The following MMP16 variants were observed in gnomAD, a reference collection of about 807,000 sequenced individuals.
MMP16 encodes matrix metallopeptidase 16.
In MMP16, 12 loss-of-function variants were observed where a neutral mutation model predicts 67.8. That is an observed-to-expected ratio of 0.18 (90% CI 0.11 to 0.29). The LOEUF is 0.29. Among genes scored for constraint, MMP16 ranks in the 10% least tolerant of loss-of-function variants. The pLI, the probability that MMP16 is intolerant of heterozygous loss-of-function variation, is 1.00. For synonymous variants in MMP16, 249 were observed against 255.9 expected (o/e 0.97, Z 0.26); for missense variants, 475 against 765.7 (o/e 0.62, Z 4.48).
At chr8:88,291,349 C>A (rs763167473) in intron 1 of MMP16, among the ~76,000 whole-genome samples, 23 of 152,098 alleles carry the variant, frequency 1.5e-4, no homozygotes, top group Non-Finnish European at 2.8e-4. Context: ...AGAATATGTT[C>A]TATTACAAAT....
intron 1 of MMP16, among the ~76,000 whole-genome samples, chr8:88,201,826 G>A (rs964626030): frequency 6.6e-6 from 1 of 152,094 alleles, no homozygotes; most frequent in Non-Finnish European, 1.5e-5. Context: ...GGTATCATCA[G>A]CAAAGGCAGT....
intron 6 of MMP16, among the ~76,000 whole-genome samples, chr8:88,076,369 T>C (rs1324401990): frequency 6.6e-6 from 1 of 152,186 alleles, no homozygotes; most frequent in East Asian, 1.9e-4. Flanking sequence ...AAACGAGTTA[T>C]CTACTTTCCC....
At chr8:88,201,752 G>A (rs1332005013) in intron 1 of MMP16, among the ~76,000 whole-genome samples, 1 of 152,014 alleles carries the variant, frequency 6.6e-6, no homozygotes, top group Non-Finnish European at 1.5e-5. Flanking sequence ...TAAACGCACT[G>A]GCTAAATTTT....
intron 4 of MMP16, among the ~76,000 whole-genome samples, chr8:88,149,284 A>G (rs955406784): frequency 3.9e-5 from 6 of 152,166 alleles, no homozygotes; most frequent in African/African-American, 1.2e-4. Flanking sequence ...AGGCTGGGTG[A>G]GGGGCGCCCG....
chr8:88,105,694 T>A (rs1250709233), intron 6 of MMP16, among the ~76,000 whole-genome samples: 1 of 151,400 alleles, frequency 6.6e-6, no homozygotes, highest in African/African-American at 2.4e-5. Flanking sequence ...ATTCTTGTTT[T>A]CAAGGGGAAG....
At chr8:88,206,108 T>A (rs895851435) in intron 1 of MMP16, among the ~76,000 whole-genome samples, 1 of 152,108 alleles carries the variant, frequency 6.6e-6, no homozygotes, top group Non-Finnish European at 1.5e-5. Flanking sequence ...ATTGCCCAAC[T>A]AGGGTAAGTT....
intron 8 of MMP16, among the ~76,000 whole-genome samples, chr8:88,047,778 C>G (rs28991907): frequency 2.2e-3 from 338 of 152,216 alleles, no homozygotes; most frequent in Non-Finnish European, 3.7e-3. Flanking sequence ...ATATTTTGAA[C>G]AGAGAAGCTT....
intron 9 of MMP16, among the ~76,000 whole-genome samples, chr8:88,042,842 C>T (rs1808150486): frequency 6.6e-6 from 1 of 152,102 alleles, no homozygotes; most frequent in African/African-American, 2.4e-5. Flanking sequence ...CCAGTTTTTT[C>T]TTTCTGTCCA....
At chr8:88,262,884 G>A (rs1358602033) in intron 1 of MMP16, among the ~76,000 whole-genome samples, 1 of 144,112 alleles carries the variant, frequency 6.9e-6, no homozygotes, top group Non-Finnish European at 1.5e-5. Context: ...AATTAGCCGA[G>A]CGTGGTAGCG....
chr8:88,198,805 T>G (rs1809296725), intron 1 of MMP16, among the ~76,000 whole-genome samples: 1 of 152,004 alleles, frequency 6.6e-6, no homozygotes, highest in South Asian at 2.1e-4. Flanking sequence ...TCTAGTAAAC[T>G]CATGTACCAT....
intron 1 of MMP16, among the ~76,000 whole-genome samples, chr8:88,314,645 A>C (rs935146247): frequency 2.6e-5 from 4 of 152,162 alleles, no homozygotes; most frequent in Admixed American, 2.6e-4. Context: ...CCTTTGCCCT[A>C]AGAAGTATGG....
intron 8 of MMP16, among the ~76,000 whole-genome samples, chr8:88,047,864 T>G (rs1271408603): frequency 3.9e-5 from 6 of 152,206 alleles, no homozygotes; most frequent in African/African-American, 1.4e-4. Context: ...AAGGCAGAAG[T>G]AGGAATGCCA....
intron 6 of MMP16, 60 bp from the exon 7 acceptor site, chr8:88,074,803 C>T (rs144796804): frequency 1.1e-5 from 18 of 1,567,224 alleles, no homozygotes; most frequent in African/African-American, 2.7e-5. Context: ...CATTTCACGG[C>T]GCAATGGCTG....
intron 4 of MMP16, among the ~76,000 whole-genome samples, chr8:88,132,693 C>A (rs1012034020): frequency 1.1e-4 from 16 of 151,800 alleles, no homozygotes; most frequent in African/African-American, 3.9e-4. Flanking sequence ...AAGTGATTCA[C>A]CATTACTTCT....
At chr8:88,134,571 A>G (rs145795369) in intron 4 of MMP16, among the ~76,000 whole-genome samples, 2 of 151,710 alleles carry the variant, frequency 1.3e-5, no homozygotes, top group African/African-American at 4.8e-5. Flanking sequence ...TCAAAGATTT[A>G]TGAATGTCTA....
At chr8:88,202,731 C>T (rs1170173401) in intron 1 of MMP16, among the ~76,000 whole-genome samples, 1 of 151,896 alleles carries the variant, frequency 6.6e-6, no homozygotes, top group East Asian at 1.9e-4. Flanking sequence ...GTATATGATA[C>T]CACAACCCCT....
intron 2 of MMP16, among the ~76,000 whole-genome samples, chr8:88,191,498 C>T (rs906361388): frequency 4.6e-5 from 7 of 152,118 alleles, no homozygotes; most frequent in Admixed American, 6.6e-5. Flanking sequence ...CAGCAGCGTA[C>T]AAATATTGAT....
intron 1 of MMP16, among the ~76,000 whole-genome samples, chr8:88,317,761 T>C (rs1811396088): frequency 6.6e-6 from 1 of 152,256 alleles, no homozygotes; most frequent in Non-Finnish European, 1.5e-5. Context: ...GAAAGCTACA[T>C]ACAAGAACAA....
chr8:88,142,935 T>C (rs1808235749), intron 4 of MMP16, among the ~76,000 whole-genome samples: 1 of 152,194 alleles, frequency 6.6e-6, no homozygotes. Context: ...TAGCAAGTCT[T>C]TATCTGAAGA....
Sources: gnomAD v4.1 joint callset for allele counts (sites outside exome capture counted in the v4.1 genomes callset) on GRCh38, gnomAD v4.1.1 for gene constraint, MANE v1.5 for transcripts, NCBI Gene and HGNC (gene_info 2026-07-23, HGNC 2026-07-21) for gene names.